Variants in TSPEAR observed in about 807,000 individuals in gnomAD.
TSPEAR encodes the protein thrombospondin-type laminin G domain and EAR repeat-containing protein.
A neutral mutation model predicts 71.6 loss-of-function variants in TSPEAR; 69 were observed. The observed-to-expected ratio is 0.96, with a 90% CI of 0.79 to 1.18. TSPEAR has a LOEUF of 1.18. TSPEAR is among the 50% of genes most tolerant of loss of function. The probability of loss-of-function intolerance (pLI) is 0.00; values close to 1 mark genes in which losing one functional copy is unlikely to be tolerated. For missense variants in TSPEAR, 971 were observed against 894.9 expected (o/e 1.09, Z -1.09); for synonymous variants, 402 against 387.2 (o/e 1.04, Z -0.45).
intron 1 of TSPEAR, chr21:44,580,592 A>G (rs1195995838): frequency 1.2e-6 from 2 of 1,600,026 alleles, no homozygotes; most frequent in African/African-American, 2.7e-5. Flanking sequence ...GGGGTGGGGA[A>G]GACGTGAGCT....
At chr21:44,508,651 C>T (rs1555912205) in intron 10 of TSPEAR, 8 of 1,188,672 alleles carry the variant, frequency 6.7e-6, no homozygotes, top group Non-Finnish European at 7.5e-6. Context: ...CGGAGCGTGT[C>T]GGTCTGGAAC....
chr21:44,666,192 A>G (rs781934722), intron 1 of TSPEAR: 151 of 495,544 alleles, frequency 3.0e-4, no homozygotes, highest in Non-Finnish European at 4.3e-5. Context: ...GCAGAGCTGC[A>G]TGGGGAAAGC....
At chr21:44,503,809 CG>C (rs1555911497) in intron 11 of TSPEAR, among the ~76,000 whole-genome samples, 1 of 127,974 alleles carries the variant, frequency 7.8e-6, no homozygotes, top group Non-Finnish European at 1.6e-5. Context: ...GGTGAGCCCT[CG>C]GGGGGAAGCA....
chr21:44,623,280 A>G lies in TSPEAR; in HGVS notation c.83-55275T>C, dbSNP rs587668540. Among the ~76,000 whole-genome samples the G allele has an allele frequency of 7.9e-5, 12 of 152,278 alleles. No individual in the cohort carries two copies. Among genetic ancestry groups the G allele is most frequent in the Admixed American group, 2.0e-4 (3 of 15,296 alleles). The stretch of plus-strand genomic sequence containing the variant: ...TTCCTCCTGAGTTGTATATTCTTTC[A>G]TTACTCTAGTGGAGATTACAACATG... On this transcript the variant is annotated intron_variant, in intron 1 of 11. Coordinates refer to ENST00000323084, the MANE Select transcript of TSPEAR (RefSeq NM_144991.3). This position sits in a 1 kb window ranked among gnomAD's most constrained non-coding sequence, Gnocchi z 4.5.
chr21:44,658,088 C>A (rs1428907682), intron 1 of TSPEAR: 1 of 1,613,744 alleles, frequency 6.2e-7, no homozygotes, highest in South Asian at 1.1e-5. Context: ...CGTGTGCATG[C>A]CCGTGAGCTG....
chr21:44,620,731 T>C (rs182805835), intron 1 of TSPEAR, among the ~76,000 whole-genome samples: 4 of 152,374 alleles, frequency 2.6e-5, no homozygotes. Context: ...CTTTTTCTAG[T>C]TCCTTAAGGT....
chr21:44,635,213 G>A (rs1555936418), intron 1 of TSPEAR, among the ~76,000 whole-genome samples: 3 of 152,044 alleles, frequency 2.0e-5, no homozygotes, highest in South Asian at 4.2e-4. Context: ...GGGTGTGGTG[G>A]TGCGCACCTG....
intron 1 of TSPEAR, among the ~76,000 whole-genome samples, chr21:44,651,981 T>C (rs1049051825): frequency 0.011 from 661 of 57,862 alleles, 7 homozygotes; most frequent in African/African-American, 0.049. Flanking sequence ...AAAACTTTCT[T>C]TTTTTTTTTT....
chr21:44,640,639 G>C (rs1230422094), intron 1 of TSPEAR, among the ~76,000 whole-genome samples: 4 of 152,216 alleles, frequency 2.6e-5, no homozygotes, highest in African/African-American at 9.7e-5. Context: ...AGATAAAAAT[G>C]AATGGCGCCA....
intron 1 of TSPEAR, chr21:44,591,508 G>A: frequency 6.2e-7 from 1 of 1,614,078 alleles, no homozygotes; most frequent in Non-Finnish European, 8.5e-7. Context: ...GGAGGAGGCA[G>A]AGGCACCACA....
chr21:44,579,081 G>A (rs1269301137), intron 1 of TSPEAR, among the ~76,000 whole-genome samples: 2 of 152,200 alleles, frequency 1.3e-5, no homozygotes, highest in African/African-American at 4.8e-5. Context: ...TCGGGCGGGC[G>A]GCACACAGGG....
Position 44,598,303 on chromosome 21 carries a change from C to T in TSPEAR, c.83-30298G>A, listed in dbSNP as rs587729519. Among the ~76,000 whole-genome samples, 8 of 152,236 alleles carry T rather than the reference C, an allele frequency of 5.3e-5. No homozygotes were observed. In the East Asian group the frequency reaches 1.3e-3, roughly 26 times the overall value. On this transcript the variant is annotated intron_variant, in intron 1 of 11. Transcript: ENST00000323084. The stretch of plus-strand genomic sequence containing the variant: ...CCAATCGGGTCTAGTTTAAATTGTG[C>T]GGCGCAATCCCAGCCAATGGGGAAA...
chr21:44,536,373 T>C (rs1555916381), intron 2 of TSPEAR, among the ~76,000 whole-genome samples: 1 of 152,172 alleles, frequency 6.6e-6, no homozygotes, highest in African/African-American at 2.4e-5. Context: ...AACCCATGGG[T>C]TTTTCTTTTT....
chr21:44,506,176 A>ATCCT lies in TSPEAR; in HGVS notation c.1755-1296_1755-1295insAGGA, dbSNP rs1430900215. Reference sequence around the variant, plus strand: ...CAAATTTGCTGTGTCCTGTCTTAGGAGTCTCACCTGAATTTACCAAGGATG... The same window carrying ATCCT: ...CAAATTTGCTGTGTCCTGTCTTAGGATCCTGTCTCACCTGAATTTACCAAGGATG... On this transcript the variant is annotated intron_variant, in intron 10 of 11. Transcript: ENST00000323084. This position sits in a 1 kb window ranked among gnomAD's most constrained non-coding sequence, Gnocchi z 4.2. Among the ~76,000 whole-genome samples the ATCCT allele has an allele frequency of 3.9e-5, 6 of 152,198 alleles. No individual in the cohort carries two copies. The highest frequency in any genetic ancestry group is 1.4e-4 in the African/African-American group (6 of 41,452).
At chr21:44,538,332 A>G (rs1349785679) in intron 2 of TSPEAR, among the ~76,000 whole-genome samples, 1 of 151,592 alleles carries the variant, frequency 6.6e-6, no homozygotes, top group African/African-American at 2.4e-5. Flanking sequence ...CAAGCCTTAG[A>G]GAGATGAGAG....
chr21:44,591,766 A>G (rs782473852), intron 1 of TSPEAR: 5 of 1,598,118 alleles, frequency 3.1e-6, no homozygotes, highest in Admixed American at 1.7e-5. Flanking sequence ...GCAGGTGGGC[A>G]CACAGCACAC....
intron 1 of TSPEAR, among the ~76,000 whole-genome samples, chr21:44,609,007 G>A (rs1438199113): frequency 6.6e-6 from 1 of 152,234 alleles, no homozygotes; most frequent in Non-Finnish European, 1.5e-5. Context: ...ATAACACGTT[G>A]TAGAATTTAA....
At chr21:44,637,960 C>A (rs782820787) in intron 1 of TSPEAR, 3 of 1,614,102 alleles carry the variant, frequency 1.9e-6, no homozygotes, top group Non-Finnish European at 1.7e-6. Context: ...GCTGCACCGC[C>A]TCCTGCTGCA....
At chr21:44,670,095 C>T (rs1438722815) in intron 1 of TSPEAR, among the ~76,000 whole-genome samples, 1 of 152,174 alleles carries the variant, frequency 6.6e-6, no homozygotes, top group Non-Finnish European at 1.5e-5. Flanking sequence ...AGAAAACACA[C>T]ATTTCAGGAA....
Sources: allele counts gnomAD v4.1 joint callset (sites outside exome capture counted in the v4.1 genomes callset), GRCh38; gene constraint gnomAD v4.1.1; non-coding constraint Gnocchi (gnomAD v3.1); transcripts MANE v1.5; gene names NCBI Gene and HGNC (gene_info 2026-07-23, HGNC 2026-07-21).